Variants in DST observed in about 807,000 individuals in gnomAD.
The protein encoded by DST is bullous pemphigoid antigen.
DST carries 253 observed loss-of-function variants against 875.2 expected under a neutral mutation model. The observed-to-expected ratio is 0.29, with a 90% CI of 0.26 to 0.32. The LOEUF is 0.32. Ranked by LOEUF, DST falls within the 10% of genes least tolerant of loss-of-function variation. The probability of loss-of-function intolerance (pLI) is 1.00; values close to 1 mark genes in which losing one functional copy is unlikely to be tolerated. For missense variants in DST, 8,287 were observed against 9,111.6 expected (o/e 0.91, Z 3.68); for synonymous variants, 3,124 against 3,197.1 (o/e 0.98, Z 0.77).
At chr6:56,618,407 C>CA (rs1410884076) in intron 36 of DST, 1 of 1,614,168 alleles carries the variant, frequency 6.2e-7, no homozygotes. Context: ...TTTGAAGGTA[C>CA]AGTCTTTGGC....
At chr6:56,564,134 G>A (rs1287398301) in intron 55 of DST, among the ~76,000 whole-genome samples, 1 of 152,166 alleles carries the variant, frequency 6.6e-6, no homozygotes, top group Non-Finnish European at 1.5e-5. Flanking sequence ...TAGCTTGATG[G>A]CGATAGCACT....
rs1414576183 is a variant in DST at position 56,650,953 on chromosome 6, A to G, written c.1407T>C (p.Pro469=). 2 of 1,612,900 alleles carry G rather than the reference A, an allele frequency of 1.2e-6. No homozygotes were observed. The highest frequency in any genetic ancestry group is 1.3e-5 in the African/African-American group (1 of 74,896). ...SSLYDAFPKV[P]EGGEGIGAND... is the part of the protein sequence containing the mutation. ...TTGCACCAATGCCTTCCCCACCTTC[A>G]GGGACTTTAGGAAATGCATCATAGA... is the stretch of plus-strand genomic sequence containing the variant. Residue 469 remains proline, a synonymous_variant, in exon 12 of 104, where the codon CCT becomes CCC. Coordinates refer to ENST00000680361, the MANE Select transcript of DST (RefSeq NM_001374736.1).
At chr6:56,777,919 T>G (rs1188521114) in intron 4 of DST, among the ~76,000 whole-genome samples, 1 of 151,966 alleles carries the variant, frequency 6.6e-6, no homozygotes, top group Non-Finnish European at 1.5e-5. Context: ...CCCAGGCTGG[T>G]CTCAAATGCC....
intron 71 of DST, among the ~76,000 whole-genome samples, chr6:56,516,969 C>T (rs1583716819): frequency 6.6e-6 from 1 of 152,152 alleles, no homozygotes; most frequent in East Asian, 1.9e-4. Context: ...GGTCTCAAAC[C>T]TTAATAGCCT....
intron 4 of DST, among the ~76,000 whole-genome samples, chr6:56,847,334 A>C (rs1348150275): frequency 6.6e-6 from 1 of 152,214 alleles, no homozygotes; most frequent in Non-Finnish European, 1.5e-5. Flanking sequence ...ATAAATTTTT[A>C]AATAAACAAA....
At chr6:56,598,903 A>T (rs991029968) in intron 45 of DST, among the ~76,000 whole-genome samples, 194 bp from the exon 46 acceptor site, 1 of 152,152 alleles carries the variant, frequency 6.6e-6, no homozygotes, top group Middle Eastern at 3.2e-3. Context: ...AATATTAAAG[A>T]AAAGCATGAA....
Position 56,594,152 on chromosome 6 carries a change from G to A in DST, c.12237C>T (p.Ile4079=), listed in dbSNP as rs769297234. 2.5e-6 allele frequency: 4 copies of A among 1,571,900 alleles called. No individual in the cohort carries two copies. Among genetic ancestry groups the A allele is most frequent in the African/African-American group, 2.7e-5 (2 of 73,116 alleles). Residue 4079 remains isoleucine (I), a synonymous_variant, in exon 48 of 104, where the codon ATC becomes ATT. Coordinates refer to ENST00000680361, the MANE Select transcript of DST (RefSeq NM_001374736.1). ...EKIISQHQAV[I]IATQSAQVLL... ...ACACTTGTGCAGACTGAGTGGCTAT[G>A]ATCACTGCTTGGTGCTGAGAGATGA...
At chr6:56,657,047 C>G (rs144275896) in intron 10 of DST, among the ~76,000 whole-genome samples, 1 of 152,114 alleles carries the variant, frequency 6.6e-6, no homozygotes, top group Non-Finnish European at 1.5e-5. Flanking sequence ...GTTTCTCCCC[C>G]CTCCCTCAGG....
At chr6:56,536,112 A>G (rs1296940051) in intron 62 of DST, among the ~76,000 whole-genome samples, 1 of 152,242 alleles carries the variant, frequency 6.6e-6, no homozygotes, top group Admixed American at 6.5e-5. Flanking sequence ...CTGCCATCCC[A>G]TAATAATTTT....
At chr6:56,584,896 T>G (rs1271097810) in intron 49 of DST, among the ~76,000 whole-genome samples, 5 of 152,132 alleles carry the variant, frequency 3.3e-5, no homozygotes, top group Non-Finnish European at 7.4e-5. Context: ...TGCATTACAT[T>G]TATTGATTTG....
chr6:56,680,627 C>T (rs1414101812), intron 9 of DST, among the ~76,000 whole-genome samples: 2 of 152,168 alleles, frequency 1.3e-5, no homozygotes, highest in African/African-American at 2.4e-5. Flanking sequence ...GGCTTTCCTC[C>T]GGCCTCTCTA....
chr6:56,515,655 T>C lies in DST; in HGVS notation c.18371A>G (p.Lys6124Arg). 1 of 1,601,020 alleles carries C rather than the reference T, an allele frequency of 6.2e-7. No homozygotes were observed. ...EKQSMKKKLD[K>R]VLKNYDTICQ... ...GATGGTATCATAGTTCTTCAGTACC[T>C]TGTCCAGTTTTTTCTAGAAAATAAA... is the stretch of plus-strand genomic sequence containing the variant. The change falls in exon 72 of 104, where the codon AAG becomes AGG. Residue 6124 changes from lysine (K) to arginine (R), a missense_variant. Physicochemically the swap from Lys to Arg is conservative, Grantham distance 26 (BLOSUM62 2). Around this residue, in one of 10 missense-constraint regions of DST, gnomAD observed 1,292 missense variants for 1,552.7 expected, o/e 0.83. Coordinates refer to ENST00000680361, the MANE Select transcript of DST (RefSeq NM_001374736.1).
At chr6:56,884,816 C>T (rs1420145451) in intron 3 of DST, among the ~76,000 whole-genome samples, 1 of 152,110 alleles carries the variant, frequency 6.6e-6, no homozygotes, top group African/African-American at 2.4e-5. Flanking sequence ...GCAAGCTCCG[C>T]CTCCCAGGTT....
At chr6:56,860,942 A>G (rs949140161) in intron 3 of DST, among the ~76,000 whole-genome samples, 1 of 151,868 alleles carries the variant, frequency 6.6e-6, no homozygotes, top group Non-Finnish European at 1.5e-5. Context: ...TTTCTTTTAA[A>G]TTCATTGTCT....
chr6:56,716,212 T>C (rs1379115567), intron 5 of DST, among the ~76,000 whole-genome samples: 2 of 152,320 alleles, frequency 1.3e-5, no homozygotes, highest in Admixed American at 1.3e-4. Flanking sequence ...AATAGATATA[T>C]AGATCAATGG....
At chr6:56,800,263 T>C (rs1272465565) in intron 4 of DST, among the ~76,000 whole-genome samples, 2 of 152,246 alleles carry the variant, frequency 1.3e-5, no homozygotes, top group South Asian at 2.1e-4. Context: ...CATGTGCATA[T>C]AGTATAGTGT....
At chr6:56,945,239 G>T (rs1818812251) in intron 2 of DST, among the ~76,000 whole-genome samples, 1 of 152,144 alleles carries the variant, frequency 6.6e-6, no homozygotes, top group African/African-American at 2.4e-5. Context: ...TGGTGTGGAT[G>T]AGTTGGGGAA....
chr6:56,519,725 T>C (rs2096660138), intron 69 of DST, among the ~76,000 whole-genome samples: 1 of 151,192 alleles, frequency 6.6e-6, no homozygotes, highest in Admixed American at 6.6e-5. Flanking sequence ...GAGGTGGAAT[T>C]GGGAACCTGG....
chr6:56,492,275 C>T lies in DST; in HGVS notation c.20709G>A (p.Leu6903=), dbSNP rs764552655. 11 of 1,613,888 alleles carry T rather than the reference C, an allele frequency of 6.8e-6. 1 individual carries two copies. The Admixed American group carries it at 1.8e-4, about 27-fold the overall frequency. ...QSRWEKVVQR[L]VERGRSLDDA... ...CATCCAAAGATCTTCCTCTCTCTACCAACCGTTGAACCACTTTTTCCCATC... is the reference window on the plus strand; with the variant it reads ...CATCCAAAGATCTTCCTCTCTCTACTAACCGTTGAACCACTTTTTCCCATC... The change falls in exon 85 of 104, where the codon TTG becomes TTA. Residue 6903 remains leucine (L), a synonymous_variant. Coordinates refer to ENST00000680361, the MANE Select transcript of DST (RefSeq NM_001374736.1).
Sources: allele counts gnomAD v4.1 joint callset (sites outside exome capture counted in the v4.1 genomes callset), GRCh38; gene constraint gnomAD v4.1.1; regional missense constraint gnomAD v4.1.1; transcripts MANE v1.5; gene names NCBI Gene and HGNC (gene_info 2026-07-23, HGNC 2026-07-21).